Variants in RSRC1 observed in about 807,000 individuals in gnomAD.
The protein encoded by RSRC1 is arginine and serine rich coiled-coil 1.
Under a neutral mutation model 49.1 loss-of-function variants are expected in RSRC1, and 39 were observed. The ratio of observed to expected loss-of-function variants is 0.79; its 90% CI spans 0.61 to 1.04. RSRC1 has a LOEUF of 1.04. RSRC1 is among the 50% of genes least tolerant of loss of function. The pLI is 0.00. For missense variants in RSRC1, 388 were observed against 402.4 expected (o/e 0.96, Z 0.31); for synonymous variants, 143 against 130.8 (o/e 1.09, Z -0.63).
chr3:158,193,777 T>C (rs1357975808), intron 3 of RSRC1, among the ~76,000 whole-genome samples: 1 of 152,066 alleles, frequency 6.6e-6, no homozygotes, highest in Non-Finnish European at 1.5e-5. Flanking sequence ...GGACAGTAAG[T>C]TGTGATGATA....
At chr3:158,362,405 G>C (rs1292704998) in intron 6 of RSRC1, among the ~76,000 whole-genome samples, 1 of 152,158 alleles carries the variant, frequency 6.6e-6, no homozygotes, top group East Asian at 1.9e-4. Context: ...AATACCTATA[G>C]TAGTACTACA....
rs536779632 is a variant in RSRC1 at position 158,140,845 on chromosome 3, G to GTTA, written c.320+16854_320+16855insTTA. ...ATGCTGTTAGAGATATTACTGCCCA[G>GTTA]GTAAATGTCTAGTAGTGTTATATAA... On this transcript the variant is annotated intron_variant, in intron 3 of 9. Coordinates refer to ENST00000611884, the MANE Select transcript of RSRC1 (RefSeq NM_001271838.2). Among the ~76,000 whole-genome samples the GTTA allele has an allele frequency of 1.2e-3, 186 of 152,282 alleles. 1 individual carries two copies. Among genetic ancestry groups the GTTA allele is most frequent in the Middle Eastern group, 0.01 (3 of 294 alleles).
chr3:158,185,583 TA>T (rs1332250444), intron 3 of RSRC1, among the ~76,000 whole-genome samples: 1 of 151,922 alleles, frequency 6.6e-6, no homozygotes, highest in Admixed American at 6.6e-5. Flanking sequence ...ATATTTAAAG[TA>T]ATGATTTCAG....
chr3:158,279,850 A>G (rs1434864480), intron 4 of RSRC1, among the ~76,000 whole-genome samples: 2 of 152,240 alleles, frequency 1.3e-5, no homozygotes, highest in African/African-American at 4.8e-5. Flanking sequence ...CAAGTAAATA[A>G]ATAAATGTAG....
intron 4 of RSRC1, among the ~76,000 whole-genome samples, chr3:158,287,758 A>G (rs1273557654): frequency 1.3e-5 from 2 of 152,220 alleles, no homozygotes; most frequent in Admixed American, 6.5e-5. Flanking sequence ...GTGTGTATTC[A>G]TAAGAATTTC....
At chr3:158,328,393 G>A (rs377329528) in intron 5 of RSRC1, among the ~76,000 whole-genome samples, 2 of 152,008 alleles carry the variant, frequency 1.3e-5, no homozygotes, top group South Asian at 4.2e-4. Context: ...TCCATGTTTA[G>A]TGCTTCCTTC....
chr3:158,322,644 A>G (rs1336756250), intron 5 of RSRC1, among the ~76,000 whole-genome samples: 1 of 152,128 alleles, frequency 6.6e-6, no homozygotes, highest in Non-Finnish European at 1.5e-5. Flanking sequence ...CTTTTTTGCC[A>G]GATTTGATAT....
chr3:158,525,004 C>T (rs1224487714), intron 7 of RSRC1, among the ~76,000 whole-genome samples: 1 of 151,890 alleles, frequency 6.6e-6, no homozygotes, highest in Non-Finnish European at 1.5e-5. Flanking sequence ...ATTTTTGCAG[C>T]CTTGAGTATG....
In RSRC1 at chr3:158,354,974, G is replaced by A. The variant is rs1179183818; in HGVS notation, c.583+66G>A. 8 of 1,038,812 alleles carry A rather than the reference G, an allele frequency of 7.7e-6. No homozygotes were observed. The African/African-American group carries it at 1.4e-4, about 18-fold the overall frequency. The allele number at this position is 1,038,812 out of a possible 1,614,324, so 64.3% of individuals were successfully genotyped here. Reference sequence around the variant, plus strand: ...CGAGTAAACCCTAGGCTGGTAGCATGCTTAGAAATGAGTAAAAAAAAAAAC... The same window carrying A: ...CGAGTAAACCCTAGGCTGGTAGCATACTTAGAAATGAGTAAAAAAAAAAAC... On this transcript the variant is annotated intron_variant, in intron 6 of 9. Coordinates refer to ENST00000611884, the MANE Select transcript of RSRC1 (RefSeq NM_001271838.2).
chr3:158,116,919 T>A (rs559288080), intron 1 of RSRC1, among the ~76,000 whole-genome samples: 6 of 152,168 alleles, frequency 3.9e-5, no homozygotes, highest in Non-Finnish European at 8.8e-5. Context: ...ATATTTTGAA[T>A]CTGGGTTGTC....
chr3:158,469,235 C>G (rs1263092141), intron 7 of RSRC1: 10 of 319,584 alleles, frequency 3.1e-5, no homozygotes, highest in Non-Finnish European at 6.1e-5. Context: ...GATCTAAAAA[C>G]TACATTATGT....
At chr3:158,255,151 C>T (rs1002594309) in intron 4 of RSRC1, among the ~76,000 whole-genome samples, 1 of 152,120 alleles carries the variant, frequency 6.6e-6, no homozygotes, top group Non-Finnish European at 1.5e-5. Flanking sequence ...TGCCTGTGTC[C>T]TTAATGGTAT....
At chr3:158,482,363 G>A (rs1350978494) in intron 7 of RSRC1, among the ~76,000 whole-genome samples, 7 of 151,908 alleles carry the variant, frequency 4.6e-5, no homozygotes, top group Non-Finnish European at 7.4e-5. Context: ...TTTTGCCTGC[G>A]TAACATAAAT....
intron 4 of RSRC1, among the ~76,000 whole-genome samples, chr3:158,296,196 G>A (rs1350641820): frequency 1.3e-5 from 2 of 152,010 alleles, no homozygotes; most frequent in African/African-American, 2.4e-5. Context: ...GTAGCTGTGC[G>A]AGAAAGCGAA....
In RSRC1 at chr3:158,254,912, G is replaced by C. The variant is rs569029970; in HGVS notation, c.495-43127G>C. 2.0e-5 allele frequency among the ~76,000 whole-genome samples: 3 copies of C among 152,170 alleles called. No individual in the cohort carries two copies. In the East Asian group the frequency reaches 5.8e-4, roughly 29 times the overall value. On this transcript the variant is annotated intron_variant, in intron 4 of 9. Coordinates refer to ENST00000611884, the MANE Select transcript of RSRC1 (RefSeq NM_001271838.2). ...TATCCTCTACCCACTTTTTGATGGG[G>C]TTGTTTGTTTTTTTCTTGTAAATTT...
chr3:158,513,741 A>T (rs977362224), intron 7 of RSRC1, among the ~76,000 whole-genome samples: 13 of 152,306 alleles, frequency 8.5e-5, no homozygotes, highest in Admixed American at 5.2e-4. Flanking sequence ...CTGTGAATCC[A>T]TCTGGTCCTG....
intron 4 of RSRC1, among the ~76,000 whole-genome samples, chr3:158,219,792 T>A (rs1722133131): frequency 6.6e-6 from 1 of 151,594 alleles, no homozygotes; most frequent in South Asian, 2.1e-4. Context: ...GTTACCTAAG[T>A]GGATCTTGAT....
intron 7 of RSRC1, among the ~76,000 whole-genome samples, chr3:158,519,052 A>G (rs1461783062): frequency 2.0e-5 from 3 of 152,128 alleles, no homozygotes; most frequent in Non-Finnish European, 4.4e-5. Flanking sequence ...CAAAGTTATC[A>G]TCTTCAAAAC....
chr3:158,187,639 T>A (rs1217802100), intron 3 of RSRC1, among the ~76,000 whole-genome samples: 1 of 152,058 alleles, frequency 6.6e-6, no homozygotes, highest in Non-Finnish European at 1.5e-5. Flanking sequence ...GGACAGTCGA[T>A]CCTGGTTTTA....
Sources: allele counts gnomAD v4.1 joint callset (sites outside exome capture counted in the v4.1 genomes callset), GRCh38; gene constraint gnomAD v4.1.1; transcripts MANE v1.5; gene names NCBI Gene and HGNC (gene_info 2026-07-23, HGNC 2026-07-21).